The following PDGFC variants were observed in gnomAD, a reference collection of about 807,000 sequenced individuals.
PDGFC encodes the protein platelet derived growth factor C.
Under a neutral mutation model 35.5 loss-of-function variants are expected in PDGFC, and 12 were observed. The observed-to-expected ratio is 0.34, with a 90% CI of 0.22 to 0.55. The LOEUF (loss-of-function observed/expected upper bound fraction) is 0.55, where lower values mean the gene tolerates loss of function less well. Among genes scored for constraint, PDGFC ranks in the 20% least tolerant of loss-of-function variants. The probability of loss-of-function intolerance (pLI) is 0.91; values close to 1 mark genes in which losing one functional copy is unlikely to be tolerated. For missense variants in PDGFC, 322 were observed against 412.4 expected, an observed-to-expected ratio of 0.78 and a Z score of 1.90; for synonymous variants, 159 against 148.8, an observed-to-expected ratio of 1.07 and a Z score of -0.50.
At chr4:156,822,783 T>G (rs1732305995) in intron 2 of PDGFC, among the ~76,000 whole-genome samples, 1 of 151,912 alleles carries the variant, frequency 6.6e-6, no homozygotes, top group Admixed American at 6.5e-5. Context: ...TTTTTTGAGA[T>G]GGAGTTTTGC....
At chr4:156,763,999 T>C (rs910482227) in intron 5 of PDGFC, among the ~76,000 whole-genome samples, 7 of 152,316 alleles carry the variant, frequency 4.6e-5, no homozygotes, top group Admixed American at 4.6e-4. Flanking sequence ...TTAATTAAAG[T>C]ATTTGGTGTT....
chr4:156,957,016 C>T (rs1270808948), intron 1 of PDGFC, among the ~76,000 whole-genome samples: 2 of 151,944 alleles, frequency 1.3e-5, no homozygotes, highest in East Asian at 1.9e-4. Context: ...CTGAATCCCT[C>T]GCTTGGTCAA....
intron 3 of PDGFC, among the ~76,000 whole-genome samples, chr4:156,809,012 C>T (rs1731851436): frequency 6.6e-6 from 1 of 151,986 alleles, no homozygotes; most frequent in Non-Finnish European, 1.5e-5. Context: ...TACCTTCATT[C>T]TCTCCTGTTT....
At chr4:156,822,873 G>A (rs999671758) in intron 2 of PDGFC, among the ~76,000 whole-genome samples, 2 of 151,984 alleles carry the variant, frequency 1.3e-5, no homozygotes, top group South Asian at 2.1e-4. Context: ...AGGTTCAAGC[G>A]ATTCTCCTGC....
chr4:156,927,553 G>A (rs920601334), intron 1 of PDGFC, among the ~76,000 whole-genome samples: 5 of 152,070 alleles, frequency 3.3e-5, no homozygotes, highest in African/African-American at 4.8e-5. Flanking sequence ...AAAGTTGCAC[G>A]AATCTCTAAG....
chr4:156,885,555 C>CT (rs202181564), intron 1 of PDGFC, among the ~76,000 whole-genome samples: 62 of 150,990 alleles, frequency 4.1e-4, no homozygotes, highest in East Asian at 1.9e-3. Context: ...TTAGAGTATG[C>CT]TTTTTTTTTG....
chr4:156,789,715 A>G lies in PDGFC; in HGVS notation c.496-16822T>C, dbSNP rs147285819. On this transcript the variant is annotated intron_variant, in intron 3 of 5. Coordinates refer to ENST00000502773, the MANE Select transcript of PDGFC (RefSeq NM_016205.3). ...ATACTGGCCGGGTGCAGTGGCTCAC[A>G]CCTGCAATCCCAGCACTTCGGGAGG... Among the ~76,000 whole-genome samples the G allele has an allele frequency of 3.2e-3, 493 of 152,300 alleles. 16 individuals carry two copies. In the East Asian group the frequency reaches 0.072, roughly 22 times the overall value.
intron 1 of PDGFC, among the ~76,000 whole-genome samples, chr4:156,884,484 T>C (rs1225911859): frequency 6.6e-6 from 1 of 151,880 alleles, no homozygotes; most frequent in Non-Finnish European, 1.5e-5. Context: ...CAGATAGGAG[T>C]TTCCAGCCAT....
chr4:156,901,385 G>T (rs1038589054), intron 1 of PDGFC, among the ~76,000 whole-genome samples: 1 of 152,106 alleles, frequency 6.6e-6, no homozygotes, highest in Non-Finnish European at 1.5e-5. Flanking sequence ...TTAATATGAA[G>T]AGGGTAAGTC....
intron 1 of PDGFC, among the ~76,000 whole-genome samples, chr4:156,956,762 T>C (rs1183973915): frequency 6.6e-6 from 1 of 152,092 alleles, no homozygotes; most frequent in African/African-American, 2.4e-5. Flanking sequence ...TACTATATTA[T>C]ATATTTTGAA....
chr4:156,772,933 C>A, intron 3 of PDGFC, 40 bp from the exon 4 acceptor site: 2 of 1,357,884 alleles, frequency 1.5e-6, no homozygotes, highest in African/African-American at 1.4e-5. Context: ...GTTTTAAAAA[C>A]GACAATGTAT....
intron 2 of PDGFC, among the ~76,000 whole-genome samples, chr4:156,835,215 C>A (rs1729034623): frequency 6.6e-6 from 1 of 151,982 alleles, no homozygotes; most frequent in Admixed American, 6.6e-5. Flanking sequence ...CAGAGAAATG[C>A]AAATGAAAAT....
chr4:156,914,646 C>T (rs1404300709), intron 1 of PDGFC, among the ~76,000 whole-genome samples: 2 of 152,016 alleles, frequency 1.3e-5, no homozygotes, highest in Non-Finnish European at 2.9e-5. Flanking sequence ...TGTTGGTAGC[C>T]GAAAGCCATG....
intron 1 of PDGFC, among the ~76,000 whole-genome samples, chr4:156,907,216 T>C (rs777265089): frequency 1.3e-5 from 2 of 152,180 alleles, no homozygotes; most frequent in Non-Finnish European, 2.9e-5. Flanking sequence ...AAGTGACACC[T>C]GTCTTTCACA....
At chr4:156,924,304 T>A (rs1310788496) in intron 1 of PDGFC, among the ~76,000 whole-genome samples, 1 of 152,232 alleles carries the variant, frequency 6.6e-6, no homozygotes, top group East Asian at 1.9e-4. Flanking sequence ...TTTACCCACT[T>A]ATTCATCAAT....
chr4:156,788,779 T>C (rs1162617363), intron 3 of PDGFC, among the ~76,000 whole-genome samples: 1 of 152,216 alleles, frequency 6.6e-6, no homozygotes, highest in Non-Finnish European at 1.5e-5. Context: ...ATGGTTACTT[T>C]AAAAGAATTT....
intron 2 of PDGFC, among the ~76,000 whole-genome samples, chr4:156,823,892 A>C (rs906686837): frequency 1.3e-5 from 2 of 152,182 alleles, no homozygotes; most frequent in East Asian, 3.9e-4. Flanking sequence ...TTGGAATACT[A>C]TACAGCCTTC....
chr4:156,923,303 G>A lies in PDGFC; in HGVS notation c.118+47483C>T, dbSNP rs139679144. Among the ~76,000 whole-genome samples the A allele has an allele frequency of 6.1e-3, 926 of 152,164 alleles. 12 individuals are homozygous for A. The highest frequency in any genetic ancestry group is 0.022 in the South Asian group (104 of 4,814). On this transcript the variant is annotated intron_variant, in intron 1 of 5. Transcript: ENST00000502773. ...CCTCTGCCTAGACGCACCTGCCTCCGGTCCTGGCATGGCTGCTTCTTTCTC... is the reference window on the plus strand; with the variant it reads ...CCTCTGCCTAGACGCACCTGCCTCCAGTCCTGGCATGGCTGCTTCTTTCTC...
At chr4:156,829,015 A>G (rs935374162) in intron 2 of PDGFC, among the ~76,000 whole-genome samples, 2 of 152,180 alleles carry the variant, frequency 1.3e-5, no homozygotes, top group Non-Finnish European at 2.9e-5. Flanking sequence ...ACAGACATTA[A>G]TATTTTCTGA....
Sources: allele counts gnomAD v4.1 joint callset (sites outside exome capture counted in the v4.1 genomes callset), GRCh38; gene constraint gnomAD v4.1.1; transcripts MANE v1.5; gene names NCBI Gene and HGNC (gene_info 2026-07-23, HGNC 2026-07-21).